WWOX: variants seen among roughly 807,000 people sequenced by gnomAD.
The protein encoded by WWOX is WW domain containing oxidoreductase.
Under a neutral mutation model 46.2 loss-of-function variants are expected in WWOX, and 69 were observed. The observed-to-expected ratio is 1.49, with a 90% CI of 1.23 to 1.82. The LOEUF (loss-of-function observed/expected upper bound fraction) is 1.82, where lower values mean the gene tolerates loss of function less well. Among genes scored for constraint, WWOX ranks in the 40% most tolerant of loss-of-function variants. The pLI, the probability that WWOX is intolerant of heterozygous loss-of-function variation, is 0.00. For missense variants in WWOX, 919 were observed against 542.6 expected (o/e 1.69, Z -6.89); for synonymous variants, 359 against 202.6 (o/e 1.77, Z -6.56).
rs780277916 is a variant in WWOX at position 78,393,410 on chromosome 16, C to T, written c.605+6462C>T. On this transcript the variant is annotated intron_variant, in intron 6 of 8. Coordinates refer to ENST00000566780, the MANE Select transcript of WWOX (RefSeq NM_016373.4). ...CAATGGTTCATGCCTATAATCCCAG[C>T]GCTTTTGGGAGGCCAAGGTGAGAGG... 1.6e-4 allele frequency among the ~76,000 whole-genome samples: 25 copies of T among 152,028 alleles called. 1 individual carries two copies. Among genetic ancestry groups the T allele is most frequent in the Non-Finnish European group, 2.5e-4 (17 of 68,006 alleles).
intron 5 of WWOX, among the ~76,000 whole-genome samples, chr16:78,345,307 T>C (rs1177249542): frequency 8.9e-6 from 1 of 112,790 alleles, no homozygotes; most frequent in East Asian, 2.0e-4. Flanking sequence ...ACAATTACTT[T>C]TGTACCAACG....
intron 8 of WWOX, among the ~76,000 whole-genome samples, chr16:79,127,201 C>G (rs2049777222): frequency 6.6e-6 from 1 of 152,050 alleles, no homozygotes; most frequent in African/African-American, 2.4e-5. Flanking sequence ...CATATACACA[C>G]ACACACCTAT....
At chr16:78,497,284 T>G (rs1316545169) in intron 8 of WWOX, among the ~76,000 whole-genome samples, 1 of 152,246 alleles carries the variant, frequency 6.6e-6, no homozygotes, top group Non-Finnish European at 1.5e-5. Flanking sequence ...GAATTTGTTC[T>G]TTTCTTACCT....
chr16:79,190,461 C>G (rs1479462967), intron 8 of WWOX, among the ~76,000 whole-genome samples: 1 of 152,284 alleles, frequency 6.6e-6, no homozygotes, highest in South Asian at 2.1e-4. Flanking sequence ...AAAATTCAGA[C>G]CCACAGAGGC....
At chr16:78,884,875 AAATAAT>A (rs565408383) in intron 8 of WWOX, among the ~76,000 whole-genome samples, 3 of 152,340 alleles carry the variant, frequency 2.0e-5, no homozygotes, top group Non-Finnish European at 2.9e-5. Context: ...GAATTAAAGG[AAATAAT>A]AATAATATAA....
intron 8 of WWOX, among the ~76,000 whole-genome samples, chr16:78,720,829 C>T (rs1455749837): frequency 6.6e-6 from 1 of 152,080 alleles, no homozygotes; most frequent in African/African-American, 2.4e-5. Context: ...TAGATACTTT[C>T]TTGGGGAGAG....
chr16:79,053,308 C>T (rs557880567), intron 8 of WWOX, among the ~76,000 whole-genome samples: 27 of 152,246 alleles, frequency 1.8e-4, no homozygotes, highest in African/African-American at 6.5e-4. Flanking sequence ...CCAATTAGAA[C>T]CCGAATGAAG....
intron 6 of WWOX, among the ~76,000 whole-genome samples, chr16:78,400,117 A>T (rs1353772858): frequency 2.6e-5 from 4 of 152,196 alleles, no homozygotes; most frequent in South Asian, 2.1e-4. Flanking sequence ...TTAGCGGTAA[A>T]GTTCGTCAGT....
chr16:79,002,837 C>G (rs778211098), intron 8 of WWOX, among the ~76,000 whole-genome samples: 3 of 152,206 alleles, frequency 2.0e-5, no homozygotes, highest in African/African-American at 7.2e-5. Context: ...CTAAGTTATA[C>G]TACCTCTTCG....
At chr16:78,208,789 T>G (rs529777034) in intron 5 of WWOX, among the ~76,000 whole-genome samples, 1 of 152,366 alleles carries the variant, frequency 6.6e-6, no homozygotes, top group African/African-American at 2.4e-5. Flanking sequence ...TTTGCAGTGC[T>G]GCAGATTTTC....
At chr16:78,584,722 AG>A (rs1291545017) in intron 8 of WWOX, among the ~76,000 whole-genome samples, 2 of 152,250 alleles carry the variant, frequency 1.3e-5, no homozygotes, top group Non-Finnish European at 2.9e-5. Context: ...TTAGCTTACC[AG>A]GGGGTGGTGA....
intron 8 of WWOX, among the ~76,000 whole-genome samples, chr16:78,748,619 A>G (rs1248808144): frequency 6.6e-6 from 1 of 152,208 alleles, no homozygotes; most frequent in Middle Eastern, 3.2e-3. Context: ...AGCAGATGGC[A>G]GCTGCATGAA....
At chr16:79,058,078 T>C (rs1326779148) in intron 8 of WWOX, among the ~76,000 whole-genome samples, 1 of 150,334 alleles carries the variant, frequency 6.7e-6, no homozygotes, top group Non-Finnish European at 1.5e-5. Flanking sequence ...ATGTGTGAGC[T>C]TAGCCAGAGT....
chr16:78,143,227 T>G (rs2034047412), intron 4 of WWOX, among the ~76,000 whole-genome samples: 1 of 152,228 alleles, frequency 6.6e-6, no homozygotes. Flanking sequence ...TCATAGAAAC[T>G]TGTAAATTGT....
chr16:78,786,817 A>G (rs1284574909), intron 8 of WWOX, among the ~76,000 whole-genome samples: 1 of 152,178 alleles, frequency 6.6e-6, no homozygotes, highest in African/African-American at 2.4e-5. Flanking sequence ...TGCTTTATGG[A>G]TTTTTAAATT....
intron 8 of WWOX, among the ~76,000 whole-genome samples, chr16:78,950,502 C>A (rs1440530667): frequency 1.4e-5 from 2 of 146,154 alleles, no homozygotes; most frequent in Non-Finnish European, 3.0e-5. Flanking sequence ...CAAAGCAAAC[C>A]CTGGCTATTA....
At chr16:78,629,827 T>C (rs941555439) in intron 8 of WWOX, among the ~76,000 whole-genome samples, 1 of 152,186 alleles carries the variant, frequency 6.6e-6, no homozygotes, top group African/African-American at 2.4e-5. Flanking sequence ...TTTTTAGAAA[T>C]AGAAAAAACT....
chr16:78,662,661 T>C (rs537337694), intron 8 of WWOX, among the ~76,000 whole-genome samples: 1 of 152,342 alleles, frequency 6.6e-6, no homozygotes, highest in East Asian at 1.9e-4. Flanking sequence ...CATTTTGCTT[T>C]CTTTGGATGA....
intron 5 of WWOX, among the ~76,000 whole-genome samples, chr16:78,361,877 G>T (rs1420817230): frequency 6.6e-6 from 1 of 151,962 alleles, no homozygotes; most frequent in Non-Finnish European, 1.5e-5. Flanking sequence ...CTCCCAAAGT[G>T]CTGGGATTAC....
Sources: allele counts gnomAD v4.1 joint callset (sites outside exome capture counted in the v4.1 genomes callset), GRCh38; gene constraint gnomAD v4.1.1; transcripts MANE v1.5; gene names NCBI Gene and HGNC (gene_info 2026-07-23, HGNC 2026-07-21).